The following PPIL4 variants were observed in gnomAD, a reference collection of about 807,000 sequenced individuals.
PPIL4 encodes peptidylprolyl isomerase like 4.
PPIL4 carries 50 observed loss-of-function variants against 69.1 expected under a neutral mutation model. The observed-to-expected ratio is 0.72, with a 90% CI of 0.58 to 0.92. The LOEUF (loss-of-function observed/expected upper bound fraction) is 0.92. Ranked by LOEUF, PPIL4 falls within the 40% of genes least tolerant of loss-of-function variation. The probability of loss-of-function intolerance (pLI) is 0.00; values close to 1 mark genes in which losing one functional copy is unlikely to be tolerated. For synonymous variants in PPIL4, 193 were observed against 191.6 expected, an observed-to-expected ratio of 1.01 and a Z score of -0.06; for missense variants, 480 against 587.9, an observed-to-expected ratio of 0.82 and a Z score of 1.90.
intron 7 of PPIL4, among the ~76,000 whole-genome samples, chr6:149,531,765 G>A (rs1277962094): frequency 1.3e-5 from 2 of 152,050 alleles, no homozygotes; most frequent in African/African-American, 2.4e-5. Flanking sequence ...CGCCTGCTGG[G>A]TTCAAGCGAT....
chr6:149,513,357 C>T (rs1295760727), intron 11 of PPIL4, among the ~76,000 whole-genome samples: 2 of 122,400 alleles, frequency 1.6e-5, no homozygotes, highest in Non-Finnish European at 3.2e-5. Flanking sequence ...TGCACTCCAG[C>T]CTGGGTGACA....
chr6:149,527,697 T>A (rs532146492), intron 7 of PPIL4, among the ~76,000 whole-genome samples: 2 of 152,344 alleles, frequency 1.3e-5, no homozygotes, highest in African/African-American at 4.8e-5. Flanking sequence ...CCTTTTTCAG[T>A]CATTTCCTTG....
At chr6:149,529,828 G>C (rs1366300578) in intron 7 of PPIL4, among the ~76,000 whole-genome samples, 5 of 150,758 alleles carry the variant, frequency 3.3e-5, no homozygotes, top group African/African-American at 1.2e-4. Flanking sequence ...GAAAGGGAAA[G>C]GGAAGAAAGA....
At chr6:149,543,257 G>A (rs555180880) in intron 1 of PPIL4, among the ~76,000 whole-genome samples, 3 of 152,198 alleles carry the variant, frequency 2.0e-5, no homozygotes, top group Non-Finnish European at 1.5e-5. Flanking sequence ...CCTAATCAAG[G>A]CTCTGAAGCT....
At chr6:149,514,298 G>C (rs753199375) in intron 11 of PPIL4, among the ~76,000 whole-genome samples, 6 of 152,092 alleles carry the variant, frequency 3.9e-5, no homozygotes, top group Admixed American at 3.3e-4. Context: ...TCATCCTAAT[G>C]TGTGCTCTGC....
At chr6:149,529,930 A>G (rs1777168672) in intron 7 of PPIL4, among the ~76,000 whole-genome samples, 1 of 152,210 alleles carries the variant, frequency 6.6e-6, no homozygotes, top group South Asian at 2.1e-4. Context: ...ACTATATGAC[A>G]TTTTGAAAAT....
chr6:149,535,512 A>C, intron 5 of PPIL4, 84 bp downstream of exon 5: 1 of 998,296 alleles, frequency 1.0e-6, no homozygotes, highest in Non-Finnish European at 1.5e-6. Context: ...TCCTATGCAT[A>C]CCGTTCCTAT....
At chr6:149,531,257 C>T (rs948768184) in intron 7 of PPIL4, among the ~76,000 whole-genome samples, 1 of 150,238 alleles carries the variant, frequency 6.7e-6, no homozygotes, top group African/African-American at 2.5e-5. Context: ...CCCAGCTACT[C>T]GGGAGCCTGA....
intron 6 of PPIL4, among the ~76,000 whole-genome samples, chr6:149,534,196 C>T (rs537349351): frequency 6.6e-6 from 1 of 152,228 alleles, no homozygotes; most frequent in East Asian, 1.9e-4. Context: ...ATTTATTATC[C>T]AATTCTAACT....
chr6:149,544,574 G>T (rs946229751), intron 1 of PPIL4, among the ~76,000 whole-genome samples: 3 of 152,224 alleles, frequency 2.0e-5, no homozygotes, highest in Non-Finnish European at 4.4e-5. Context: ...AATGTGTCAT[G>T]TGGTTTATAA....
At chr6:149,536,691 T>G (rs1319553001) in intron 4 of PPIL4, among the ~76,000 whole-genome samples, 1 of 147,816 alleles carries the variant, frequency 6.8e-6, no homozygotes, top group Non-Finnish European at 1.5e-5. Context: ...AGAGGTTAAT[T>G]CATGAAGTTT....
chr6:149,517,279 A>G (rs746840098), intron 11 of PPIL4, 75 bp downstream of exon 11: 12 of 820,216 alleles, frequency 1.5e-5, no homozygotes, highest in Admixed American at 2.6e-5. Context: ...GTGACTTTTC[A>G]TAACACATCA....
chr6:149,531,805 G>C (rs552067460), intron 7 of PPIL4, among the ~76,000 whole-genome samples: 1 of 152,140 alleles, frequency 6.6e-6, no homozygotes, highest in South Asian at 2.1e-4. Flanking sequence ...GAGTATCTAG[G>C]ATTACAGCCG....
chr6:149,534,861 G>T, intron 5 of PPIL4, 87 bp from the exon 6 acceptor site: 2 of 789,862 alleles, frequency 2.5e-6, no homozygotes, highest in Non-Finnish European at 2.0e-6. Context: ...AAAATTACTT[G>T]ATTATCTCTA....
At chr6:149,519,384 C>T (rs1318715735) in intron 10 of PPIL4, among the ~76,000 whole-genome samples, 1 of 152,210 alleles carries the variant, frequency 6.6e-6, no homozygotes, top group Non-Finnish European at 1.5e-5. Context: ...GGCATTACTA[C>T]TGGCCAGAAC....
intron 7 of PPIL4, among the ~76,000 whole-genome samples, chr6:149,532,971 C>T (rs1014536818): frequency 2.0e-5 from 3 of 151,920 alleles, no homozygotes; most frequent in African/African-American, 4.8e-5. Flanking sequence ...GAAAATAATA[C>T]CAAGTAGGTC....
At chr6:149,506,769 A>AC (rs1554215562) in intron 12 of PPIL4, among the ~76,000 whole-genome samples, 18 of 151,894 alleles carry the variant, frequency 1.2e-4, no homozygotes. Context: ...TAATTTTTGT[A>AC]TTTTTTTGTA....
chr6:149,513,359 T>A (rs1776885298), intron 11 of PPIL4, among the ~76,000 whole-genome samples: 1 of 112,376 alleles, frequency 8.9e-6, no homozygotes, highest in East Asian at 2.5e-4. Flanking sequence ...CACTCCAGCC[T>A]GGGTGACAGA....
chr6:149,538,973 A>G (rs894906093), intron 4 of PPIL4, among the ~76,000 whole-genome samples: 1 of 152,074 alleles, frequency 6.6e-6, no homozygotes, highest in African/African-American at 2.4e-5. Context: ...CAGCCTCCCA[A>G]GTAGCTGGGA....
Sources: gnomAD v4.1 joint callset for allele counts (sites outside exome capture counted in the v4.1 genomes callset) on GRCh38, gnomAD v4.1.1 for gene constraint, MANE v1.5 for transcripts, NCBI Gene and HGNC (gene_info 2026-07-23, HGNC 2026-07-21) for gene names.